The following LRRTM4 variants were observed in gnomAD, a reference collection of about 807,000 sequenced individuals.
LRRTM4 encodes the protein leucine rich repeat transmembrane neuronal 4, also known as leucine-rich repeat transmembrane neuronal protein 4.
In LRRTM4, 25 loss-of-function variants were observed where a neutral mutation model predicts 47.6. The ratio of observed to expected loss-of-function variants is 0.53; its 90% CI spans 0.38 to 0.73. The LOEUF is 0.73. Ranked by LOEUF, LRRTM4 falls within the 30% of genes least tolerant of loss-of-function variation. LRRTM4 has a pLI of 0.00. For synonymous variants in LRRTM4, 311 were observed against 269.5 expected, an observed-to-expected ratio of 1.15 and a Z score of -1.51; for missense variants, 638 against 713.4, an observed-to-expected ratio of 0.89 and a Z score of 1.20.
At chr2:77,506,145 G>T (rs1426739770) in intron 3 of LRRTM4, among the ~76,000 whole-genome samples, 2 of 151,434 alleles carry the variant, frequency 1.3e-5, no homozygotes, top group African/African-American at 4.8e-5. Flanking sequence ...TCCTTGAGTG[G>T]AATATAGAAA....
chr2:77,491,171 C>T (rs1162406027), intron 3 of LRRTM4, among the ~76,000 whole-genome samples: 1 of 151,830 alleles, frequency 6.6e-6, no homozygotes, highest in Admixed American at 6.6e-5. Flanking sequence ...GAGAAAAAGT[C>T]TACATTAAAT....
intron 3 of LRRTM4, among the ~76,000 whole-genome samples, chr2:77,443,920 A>T (rs1283366028): frequency 6.6e-6 from 1 of 152,150 alleles, no homozygotes; most frequent in Admixed American, 6.6e-5. Flanking sequence ...GAAAAAATAA[A>T]AAAGAGTAAT....
At chr2:76,805,298 T>C (rs1219546094) in intron 3 of LRRTM4, among the ~76,000 whole-genome samples, 1 of 152,104 alleles carries the variant, frequency 6.6e-6, no homozygotes, top group Non-Finnish European at 1.5e-5. Context: ...GGAACCAAAA[T>C]TGTGTTGGCA....
At chr2:77,480,834 A>T (rs62162641) in intron 3 of LRRTM4, among the ~76,000 whole-genome samples, 17,198 of 63,774 alleles carry the variant, frequency 0.27, 1,119 homozygotes, top group Admixed American at 0.32. Flanking sequence ...AGAGAGAGAG[A>T]GAGAGAGAGA....
chr2:76,931,527 C>T (rs896734227), intron 3 of LRRTM4, among the ~76,000 whole-genome samples: 6 of 152,086 alleles, frequency 3.9e-5, no homozygotes, highest in African/African-American at 1.2e-4. Context: ...TGGATACACT[C>T]TCTCTCTCCA....
intron 3 of LRRTM4, among the ~76,000 whole-genome samples, chr2:77,091,775 G>A (rs1329997285): frequency 1.3e-5 from 2 of 150,074 alleles, no homozygotes; most frequent in African/African-American, 2.4e-5. Flanking sequence ...CTTCAATCAA[G>A]CCCAAATTTC....
At chr2:76,795,654 G>A (rs943340115) in intron 3 of LRRTM4, among the ~76,000 whole-genome samples, 9 of 151,890 alleles carry the variant, frequency 5.9e-5, no homozygotes, top group South Asian at 4.2e-4. Context: ...CCATCTCTTG[G>A]CTATTATGAA....
Position 77,062,004 on chromosome 2 carries a change from C to T in LRRTM4, c.1552-313088G>A, listed in dbSNP as rs564380375. On this transcript the variant is annotated intron_variant, in intron 3 of 3. Transcript: ENST00000409884. The stretch of plus-strand genomic sequence containing the variant: ...ACAAGTGACCTTATAAAGTACAGTA[C>T]GATGAAAATAGCTAATGTTCCAGAA... Among the ~76,000 whole-genome samples, 17 of 152,230 alleles carry T rather than the reference C, an allele frequency of 1.1e-4. No individual in the cohort carries two copies. The South Asian group carries it at 1.2e-3, about 11-fold the overall frequency.
At chr2:77,039,243 T>C (rs1678945062) in intron 3 of LRRTM4, among the ~76,000 whole-genome samples, 1 of 151,130 alleles carries the variant, frequency 6.6e-6, no homozygotes, top group African/African-American at 2.4e-5. Flanking sequence ...AATTTTCTCT[T>C]AGATACAGGC....
chr2:77,301,779 C>A (rs1375928569), intron 3 of LRRTM4, among the ~76,000 whole-genome samples: 1 of 152,026 alleles, frequency 6.6e-6, no homozygotes, highest in Non-Finnish European at 1.5e-5. Context: ...ATCCTATTCT[C>A]TTTATATTAA....
intron 3 of LRRTM4, among the ~76,000 whole-genome samples, chr2:77,270,393 G>A (rs1249923656): frequency 6.6e-6 from 1 of 152,152 alleles, no homozygotes; most frequent in Non-Finnish European, 1.5e-5. Context: ...TGACTCGTGT[G>A]AAAATAAGGT....
chr2:77,412,378 C>T (rs969792420), intron 3 of LRRTM4, among the ~76,000 whole-genome samples: 3 of 152,208 alleles, frequency 2.0e-5, no homozygotes, highest in Non-Finnish European at 4.4e-5. Context: ...CCCTAAATCT[C>T]TAGCATACCA....
At chr2:76,993,320 A>C (rs1677079949) in intron 3 of LRRTM4, among the ~76,000 whole-genome samples, 1 of 151,460 alleles carries the variant, frequency 6.6e-6, no homozygotes, top group African/African-American at 2.4e-5. Context: ...GCTATCAGTA[A>C]ACAATCAACA....
intron 3 of LRRTM4, among the ~76,000 whole-genome samples, chr2:77,457,004 GTATATATATATA>G (rs1171771344): frequency 7.3e-4 from 17 of 23,162 alleles, no homozygotes; most frequent in South Asian, 4.2e-3. Flanking sequence ...GTGTGTGTGT[GTATATATATATA>G]TATATATATA....
intron 3 of LRRTM4, among the ~76,000 whole-genome samples, chr2:76,953,270 C>T (rs1675557702): frequency 6.6e-6 from 1 of 151,754 alleles, no homozygotes; most frequent in African/African-American, 2.4e-5. Context: ...GACCTTTTCC[C>T]CCACAGGAAC....
At chr2:77,012,516 A>G (rs939871454) in intron 3 of LRRTM4, among the ~76,000 whole-genome samples, 2 of 152,242 alleles carry the variant, frequency 1.3e-5, no homozygotes, top group African/African-American at 4.8e-5. Context: ...TGAAGATTAC[A>G]GAGAATCACC....
intron 3 of LRRTM4, among the ~76,000 whole-genome samples, chr2:77,072,161 T>C (rs917280182): frequency 1.3e-5 from 2 of 152,134 alleles, no homozygotes; most frequent in African/African-American, 4.8e-5. Context: ...TGTTGAAGTC[T>C]ATGGTGTTAA....
At chr2:76,959,310 C>T (rs17333850) in intron 3 of LRRTM4, among the ~76,000 whole-genome samples, 20,201 of 150,702 alleles carry the variant, frequency 0.13, 1,675 homozygotes, top group Admixed American at 0.21. Flanking sequence ...AATATAGGGA[C>T]CTAGCATGCC....
intron 3 of LRRTM4, among the ~76,000 whole-genome samples, chr2:76,844,312 T>G (rs1221170059): frequency 6.6e-6 from 1 of 151,970 alleles, no homozygotes; most frequent in Non-Finnish European, 1.5e-5. Flanking sequence ...TTTTTTTGTA[T>G]TTTTGGTAGA....
Sources: gnomAD v4.1 joint callset for allele counts (sites outside exome capture counted in the v4.1 genomes callset) on GRCh38, gnomAD v4.1.1 for gene constraint, MANE v1.5 for transcripts, NCBI Gene and HGNC (gene_info 2026-07-23, HGNC 2026-07-21) for gene names.